The following ZNF14 variants were observed in gnomAD, a reference collection of about 807,000 sequenced individuals.
ZNF14 encodes gonadotropin inducible transcription repressor-4.
ZNF14 carries 9 observed loss-of-function variants against 11.3 expected under a neutral mutation model. The ratio of observed to expected loss-of-function variants is 0.80; its 90% confidence interval spans 0.48 to 1.39. ZNF14 has a LOEUF of 1.39. Among genes scored for constraint, ZNF14 ranks in the 40% most tolerant of loss-of-function variants. The pLI is 0.00. For synonymous variants in ZNF14, 239 were observed against 245.7 expected (o/e 0.97, Z 0.25); for missense variants, 711 against 763.9 (o/e 0.93, Z 0.82).
rs554955934 is a variant in ZNF14, at chr19:19,717,244, T to A, written c.4-2757A>T. Among the ~76,000 whole-genome samples, 3 of 152,158 alleles carry A rather than the reference T, an allele frequency of 2.0e-5. No individual in the cohort carries two copies. In the South Asian group the frequency reaches 6.2e-4, roughly 32 times the overall value. On this transcript the variant is annotated intron_variant, in intron 1 of 3. Transcript: ENST00000344099. The stretch of plus-strand genomic sequence containing the variant: ...AATTCACTAGGGCCTCCCTCAGAAG[T>A]CAGGAGAGTGATATACTTAGCATCA...
chr19:19,731,231 G>C (rs1238484269), intron 1 of ZNF14, among the ~76,000 whole-genome samples: 1 of 151,804 alleles, frequency 6.6e-6, no homozygotes, highest in Non-Finnish European at 1.5e-5. Context: ...TTCAGGATAG[G>C]GTACCCAAAC....
At chr19:19,714,012 GA>G (rs2062370208) in intron 3 of ZNF14, 78 bp downstream of exon 3, 2 of 1,287,866 alleles carry the variant, frequency 1.6e-6, no homozygotes, top group African/African-American at 3.0e-5. Context: ...AAATAAATTT[GA>G]AGCTGTGCTT....
chr19:19,718,451 G>C (rs1409453314), intron 1 of ZNF14, among the ~76,000 whole-genome samples: 1 of 152,052 alleles, frequency 6.6e-6, no homozygotes, highest in Non-Finnish European at 1.5e-5. Context: ...CCGTCAAACT[G>C]AAAAGGAGAA....
Position 19,712,403 on chromosome 19 carries a change from G to T in ZNF14, c.878C>A (p.Ser293Tyr), listed in dbSNP as rs2062364097. 6.2e-7 allele frequency: 1 copy of T among 1,609,878 alleles called. No homozygotes were observed. The highest frequency in any genetic ancestry group is 8.5e-7 in the Non-Finnish European group (1 of 1,178,884). The change falls in exon 4 of 4, where the codon TCT becomes TAT. Residue 293 changes from serine to tyrosine, a missense_variant. By Grantham distance (144) the Ser-to-Tyr change is moderately radical. Coordinates refer to ENST00000344099, the MANE Select transcript of ZNF14 (RefSeq NM_021030.3). The part of the protein sequence containing the change: ...ECGKAFSFLS[S>Y]FRRHKRTHSG... ...ATGAGTCCTTTTATGCCTTCGAAAAGAACTGAGAAAACTGAAGGCTTTACC... is the reference window on the plus strand; with the variant it reads ...ATGAGTCCTTTTATGCCTTCGAAAATAACTGAGAAAACTGAAGGCTTTACC...
In ZNF14 at chr19:19,711,589, A is replaced by C. The variant is rs1341802883; in HGVS notation, c.1692T>G (p.Cys564Trp). 1 of 1,613,926 alleles carries C rather than the reference A, an allele frequency of 6.2e-7. No individual in the cohort carries two copies. The highest frequency in any genetic ancestry group is 8.5e-7 in the Non-Finnish European group (1 of 1,179,954). Residue 564 changes from cysteine (C) to tryptophan (W), a missense_variant, in exon 4 of 4, where the codon TGT becomes TGG. Physicochemically the swap from Cys to Trp is radical, Grantham distance 215. Transcript: ENST00000344099. ...TGEKPYQCKQ[C>W]GKAFISSSKF... is the part of the protein sequence containing the mutation. ...TACTGGAAGAAATGAAGGCTTTTCCACATTGTTTACATTGATACGGTTTCT... is the reference window on the plus strand; with the variant it reads ...TACTGGAAGAAATGAAGGCTTTTCCCCATTGTTTACATTGATACGGTTTCT...
chr19:19,714,636 T>G (rs2062372475), intron 1 of ZNF14, 149 bp from the exon 2 acceptor site: 1 of 749,450 alleles, frequency 1.3e-6, no homozygotes, highest in Non-Finnish European at 2.0e-6. Context: ...CTGTCCACAC[T>G]GACTTCCTCA....
At chr19:19,716,913 A>T (rs1001865931) in intron 1 of ZNF14, among the ~76,000 whole-genome samples, 1 of 152,186 alleles carries the variant, frequency 6.6e-6, no homozygotes, top group African/African-American at 2.4e-5. Context: ...ATTTTACCAA[A>T]GCCTATGTGA....
chr19:19,714,552 G>A, intron 1 of ZNF14, 65 bp from the exon 2 acceptor site: 1 of 1,540,126 alleles, frequency 6.5e-7, no homozygotes, highest in Non-Finnish European at 8.7e-7. Context: ...ATCTATACTT[G>A]ATTTGTAAGA....
In ZNF14 at chr19:19,711,887, T is replaced by A; in HGVS notation, c.1394A>T (p.His465Leu). The A allele has an allele frequency of 6.2e-7, 1 of 1,614,090 alleles. No individual in the cohort carries two copies. The highest frequency in any genetic ancestry group is 8.5e-7 in the Non-Finnish European group (1 of 1,179,964). The change falls in exon 4 of 4, where the codon CAT (histidine) becomes CTT (leucine). Residue 465 changes from histidine to leucine, a missense_variant. His to Leu is a moderately conservative substitution (Grantham distance 99). Transcript: ENST00000344099. ...AFRCSSYFRI[H>L]ERSHTGEKPY... ...TTTCTCTCCAGTGTGTGACCTTTCA[T>A]GAATTCGAAAATAACTTGAACACCT... is the stretch of plus-strand genomic sequence containing the variant.
intron 3 of ZNF14, among the ~76,000 whole-genome samples, chr19:19,713,694 C>T (rs564739368): frequency 1.3e-5 from 2 of 151,300 alleles, no homozygotes; most frequent in South Asian, 4.2e-4. Flanking sequence ...GATGATCTGC[C>T]TGCCTTGGCC....
intron 1 of ZNF14, among the ~76,000 whole-genome samples, chr19:19,718,522 A>G (rs1320155982): frequency 6.6e-6 from 1 of 152,168 alleles, no homozygotes; most frequent in African/African-American, 2.4e-5. Context: ...CATACACATA[A>G]TAGTACTAAC....
At position 19,725,633 on chromosome 19, in the gene ZNF14, G is replaced by T. The variant is rs1372831250; in HGVS notation, c.3+7323C>A. On this transcript the variant is annotated intron_variant, in intron 1 of 3. Transcript: ENST00000344099. ...ATTTGAATGTTGGCCTGCCTTGCTA[G>T]GTTGGGGAAGTTCTCCTGGATAATA... Among the ~76,000 whole-genome samples, 6 of 134,168 alleles carry T rather than the reference G, an allele frequency of 4.5e-5. 1 individual carries two copies. Among genetic ancestry groups the T allele is most frequent in the Non-Finnish European group, 9.9e-5 (6 of 60,380 alleles). 88.0% of individuals were successfully genotyped at this position (134,168 alleles called of 152,430 possible).
chr19:19,729,302 T>A (rs1385926108), intron 1 of ZNF14, among the ~76,000 whole-genome samples: 2 of 142,914 alleles, frequency 1.4e-5, no homozygotes, highest in African/African-American at 2.6e-5. Context: ...CTGATCCTCA[T>A]CACTTTACAC....
chr19:19,720,532 G>A lies in ZNF14; in HGVS notation c.4-6045C>T, dbSNP rs1002702532. ...ATTTTTTTGTATTTTTAGTAGAGAC[G>A]GGGTTTCGCCATGTTGGCCAGGCTG... is the stretch of plus-strand genomic sequence containing the variant. On this transcript the variant is annotated intron_variant, in intron 1 of 3. Transcript: ENST00000344099. The surrounding 1 kb of genome is among the most constrained non-coding windows in gnomAD (Gnocchi z 4.1). Among the ~76,000 whole-genome samples the A allele has an allele frequency of 4.6e-5, 7 of 151,798 alleles. No individual in the cohort carries two copies. Among genetic ancestry groups the A allele is most frequent in the Non-Finnish European group, 5.9e-5 (4 of 67,964 alleles).
intron 1 of ZNF14, among the ~76,000 whole-genome samples, chr19:19,717,360 A>G (rs1278274391): frequency 1.3e-5 from 2 of 152,210 alleles, no homozygotes; most frequent in African/African-American, 4.8e-5. Context: ...GTTTCCATGC[A>G]TTCCCTGGGT....
At position 19,711,242 on chromosome 19, in the gene ZNF14, A is replaced by T; in HGVS notation, c.*110T>A. On this transcript the variant is annotated 3_prime_UTR_variant, in exon 4 of 4. Coordinates refer to ENST00000344099, the MANE Select transcript of ZNF14 (RefSeq NM_021030.3). ...TGCTCAAAAGAAACTGGAACAATTAAGGGCTTTAGAACAATGTTTGTATTC... is the reference window on the plus strand; with the variant it reads ...TGCTCAAAAGAAACTGGAACAATTATGGGCTTTAGAACAATGTTTGTATTC... 1 of 1,255,446 alleles carries T rather than the reference A, an allele frequency of 8.0e-7. No individual in the cohort carries two copies. Among genetic ancestry groups the T allele is most frequent in the Non-Finnish European group, 1.1e-6 (1 of 924,848 alleles). The allele number at this position is 1,255,446 out of a possible 1,614,324, so 77.8% of individuals were successfully genotyped here.
intron 1 of ZNF14, among the ~76,000 whole-genome samples, chr19:19,726,814 G>A (rs148503809): frequency 0.018 from 2,354 of 131,622 alleles, 536 homozygotes; most frequent in African/African-American, 0.063. Context: ...CCTTGCTGCC[G>A]ACTTGCAGTT....
Position 19,725,976 on chromosome 19 carries a change from G to A in ZNF14, c.3+6980C>T, listed in dbSNP as rs1382945400. Among the ~76,000 whole-genome samples, 8 of 130,184 alleles carry A rather than the reference G, an allele frequency of 6.1e-5. 1 individual carries two copies. Among genetic ancestry groups the A allele is most frequent in the South Asian group, 2.5e-4 (1 of 3,996 alleles). The allele number at this position is 130,184 out of a possible 152,430, so 85.4% of individuals were successfully genotyped here. On this transcript the variant is annotated intron_variant, in intron 1 of 3. Coordinates refer to ENST00000344099, the MANE Select transcript of ZNF14 (RefSeq NM_021030.3). ...CACTGTTTATTCTAGTTAGCCATTC[G>A]TCTAATCTTTTTTCAAGGTTTTTAG...
In ZNF14 at chr19:19,728,354, A is replaced by G. The variant is rs189611823; in HGVS notation, c.3+4602T>C. The stretch of plus-strand genomic sequence containing the variant: ...AACATGGTGAAATCCCGACTCTAAT[A>G]AAAATACAAAAAGTAGCCAGGCATG... On this transcript the variant is annotated intron_variant, in intron 1 of 3. Coordinates refer to ENST00000344099, the MANE Select transcript of ZNF14 (RefSeq NM_021030.3). Among the ~76,000 whole-genome samples, 142 of 126,700 alleles carry G rather than the reference A, an allele frequency of 1.1e-3. 21 individuals carry two copies. Among genetic ancestry groups the G allele is most frequent in the African/African-American group, 3.8e-3 (129 of 33,910 alleles). The allele number at this position is 126,700 out of a possible 152,430, so 83.1% of individuals were successfully genotyped here.
Sources: gnomAD v4.1 joint callset for allele counts (sites outside exome capture counted in the v4.1 genomes callset) on GRCh38, gnomAD v4.1.1 for gene constraint, Gnocchi (gnomAD v3.1) non-coding constraint, MANE v1.5 for transcripts, NCBI Gene and HGNC (gene_info 2026-07-23, HGNC 2026-07-21) for gene names.